The following KRT7 variants were observed in gnomAD, a reference collection of about 807,000 sequenced individuals.
KRT7 encodes keratin 7.
A neutral mutation model predicts 42.8 loss-of-function variants in KRT7; 50 were observed. That is an observed-to-expected ratio of 1.17 (90% CI 0.93 to 1.48). The LOEUF is 1.48. Ranked by LOEUF, KRT7 falls within the 40% of genes most tolerant of loss-of-function variation. KRT7 has a pLI of 0.00. For synonymous variants in KRT7, 268 were observed against 266.3 expected, an observed-to-expected ratio of 1.01 and a Z score of -0.06; for missense variants, 588 against 637.6, an observed-to-expected ratio of 0.92 and a Z score of 0.84.
At chr12:52,250,827 A>G (rs952012058), downstream of KRT7, among the ~76,000 whole-genome samples, 1 of 152,254 alleles carries the variant, frequency 6.6e-6, no homozygotes, top group Non-Finnish European at 1.5e-5. Flanking sequence ...AGACATAGCC[A>G]TGCTTCGCCT....
downstream of KRT7, chr12:52,251,937 A>G (rs1332327985): frequency 5.7e-6 from 3 of 526,612 alleles, no homozygotes; most frequent in East Asian, 4.9e-5. Context: ...CCACGAGCCT[A>G]AAGTTTTTAC....
At chr12:52,246,745 G>A (rs1942178948) in intron 7 of KRT7, among the ~76,000 whole-genome samples, 1 of 152,170 alleles carries the variant, frequency 6.6e-6, no homozygotes, top group Non-Finnish European at 1.5e-5. Flanking sequence ...GGCACAGGGA[G>A]CTCCAGCCAA....
chr12:52,248,920 C>A lies in KRT7; in HGVS notation c.*160C>A. ...GCCTCATTCTGAGGCCTGAGTGATC[C>A]ACGTGCCTGGTATCCTGGCTTCATG... On this transcript the variant is annotated 3_prime_UTR_variant, in exon 9 of 9. Coordinates refer to ENST00000331817, the MANE Select transcript of KRT7 (RefSeq NM_005556.4). The A allele has an allele frequency of 1.6e-6, 1 of 615,212 alleles. No individual in the cohort carries two copies. The highest frequency in any genetic ancestry group is 2.5e-6 in the Non-Finnish European group (1 of 402,252). 38.1% of individuals were successfully genotyped at this position (615,212 alleles called of 1,614,324 possible). A position where few individuals can be genotyped will look rare whatever the true frequency, so the allele number is the denominator to read the frequency against.
At position 52,241,375 on chromosome 12, in the gene KRT7, G is replaced by C. The variant is rs1942086206; in HGVS notation, c.694-97G>C. On this transcript the variant is annotated intron_variant, in intron 4 of 8. Coordinates refer to ENST00000331817, the MANE Select transcript of KRT7 (RefSeq NM_005556.4). ...CTGGTGACTCAGCCCACTCCCAGCT[G>C]TTCTCTCTTTTCTTTCCTTTGTGAG... 2.6e-6 allele frequency: 3 copies of C among 1,137,386 alleles called. No homozygotes were observed. In the South Asian group the frequency reaches 4.8e-5, roughly 18 times the overall value. The allele number at this position is 1,137,386 out of a possible 1,614,324, so 70.5% of individuals were successfully genotyped here. A position where few individuals can be genotyped will look rare whatever the true frequency, so the allele number is the denominator to read the frequency against.
downstream of KRT7, chr12:52,253,797 T>C (rs748542883): frequency 1.6e-6 from 1 of 639,748 alleles, no homozygotes; most frequent in Non-Finnish European, 2.8e-6. Context: ...AAGAGCTTCT[T>C]AGACCAGAGC....
intron 2 of KRT7, among the ~76,000 whole-genome samples, chr12:52,236,370 T>G (rs1407070660): frequency 1.5e-5 from 2 of 129,388 alleles, no homozygotes; most frequent in African/African-American, 2.9e-5. Context: ...ACCCCCATAC[T>G]CCCCCCACCC....
chr12:52,251,460 C>T (rs1489212820), downstream of KRT7, among the ~76,000 whole-genome samples: 4 of 152,198 alleles, frequency 2.6e-5, no homozygotes, highest in African/African-American at 7.2e-5. Context: ...CATTCAAAGC[C>T]GTCCTGGGCT....
At chr12:52,240,097 G>A (rs1216637248) in intron 4 of KRT7, among the ~76,000 whole-genome samples, 1 of 152,036 alleles carries the variant, frequency 6.6e-6, no homozygotes, top group African/African-American at 2.4e-5. Flanking sequence ...CTTGCTTCAG[G>A]CACTTCTAAT....
rs147928450 is a variant in KRT7 at position 52,239,831 on chromosome 12, G to A, written c.693+1056G>A. The stretch of plus-strand genomic sequence containing the variant: ...TTCTTATTCTCTCCCTCTCACCCTT[G>A]TCCTCCGGGGTTTCCAGCTCTTTTT... On this transcript the variant is annotated intron_variant, in intron 4 of 8. Transcript: ENST00000331817. 5.3e-4 allele frequency among the ~76,000 whole-genome samples: 81 copies of A among 152,276 alleles called. No homozygotes were observed. The East Asian group carries it at 0.013, about 24-fold the overall frequency.
At chr12:52,250,899 A>G (rs1283466110), downstream of KRT7, among the ~76,000 whole-genome samples, 1 of 152,244 alleles carries the variant, frequency 6.6e-6, no homozygotes, top group Non-Finnish European at 1.5e-5. Flanking sequence ...TGCGAACATC[A>G]TGGAGTGCAC....
At chr12:52,242,780 C>G (rs756104035) in intron 5 of KRT7, among the ~76,000 whole-genome samples, 57 of 152,072 alleles carry the variant, frequency 3.7e-4, no homozygotes, top group Admixed American at 2.6e-4. Flanking sequence ...GCCCTGGGGT[C>G]CATGGGGATG....
In KRT7 at chr12:52,235,173, C is replaced by T. The variant is rs1941993011; in HGVS notation, c.343C>T (p.Gln115Ter). ...FIDKVRFLEQ[Q>*]NKLLETKWTL... ...GTTCTAGGTGCGGTTTCTGGAGCAGCAGAACAAGCTGCTGGAGACCAAGTG... is the reference window on the plus strand; with the variant it reads ...GTTCTAGGTGCGGTTTCTGGAGCAGTAGAACAAGCTGCTGGAGACCAAGTG... The change falls in exon 2 of 9, where the codon CAG (glutamine) becomes TAG (stop). Residue 115 changes from glutamine to a stop codon, truncating the protein, a stop_gained. Coordinates refer to ENST00000331817, the MANE Select transcript of KRT7 (RefSeq NM_005556.4). LOFTEE classifies it high-confidence loss of function. 17 of 1,613,968 alleles carry T rather than the reference C, an allele frequency of 1.1e-5. No individual in the cohort carries two copies. The highest frequency in any genetic ancestry group is 1.4e-5 in the Non-Finnish European group (17 of 1,179,966).
intron 2 of KRT7, 72 bp downstream of exon 2, chr12:52,235,438 C>A: frequency 7.6e-7 from 1 of 1,314,406 alleles, no homozygotes; most frequent in Non-Finnish European, 1.0e-6. Flanking sequence ...TGACCCTGTG[C>A]AAGTCCCCCT....
At chr12:52,248,074 A>C (rs1336864279) in intron 7 of KRT7, 103 bp from the exon 8 acceptor site, 2 of 1,149,578 alleles carry the variant, frequency 1.7e-6, no homozygotes, top group Non-Finnish European at 2.6e-6. Flanking sequence ...GCAAGAAGGA[A>C]AAATCAATGA....
chr12:52,238,854 C>CTGTGTCA (rs1203803801), intron 4 of KRT7, 79 bp downstream of exon 4: 1 of 902,650 alleles, frequency 1.1e-6, no homozygotes, highest in Admixed American at 1.8e-5. Flanking sequence ...CCCCCCGCCT[C>CTGTGTCA]TGTGTCAGTC....
At chr12:52,237,410 G>A (rs1222558532) in intron 2 of KRT7, 99 bp from the exon 3 acceptor site, 2 of 834,646 alleles carry the variant, frequency 2.4e-6, no homozygotes, top group Non-Finnish European at 3.8e-6. Context: ...AAAGAGTAGG[G>A]GAAGGGAGGC....
intron 8 of KRT7, 128 bp from the exon 9 acceptor site, chr12:52,248,463 T>C: frequency 2.0e-6 from 2 of 1,007,450 alleles, no homozygotes; most frequent in Non-Finnish European, 1.5e-6. Context: ...CCTTCTGGGT[T>C]GGCCCATGGA....
chr12:52,250,897 T>C (rs1376867823), downstream of KRT7, among the ~76,000 whole-genome samples: 4 of 152,228 alleles, frequency 2.6e-5, no homozygotes, highest in Admixed American at 6.5e-5. Flanking sequence ...TGTGCGAACA[T>C]CATGGAGTGC....
At chr12:52,247,950 T>G in intron 7 of KRT7, 4 of 580,804 alleles carry the variant, frequency 6.9e-6, no homozygotes, top group East Asian at 2.9e-5. Context: ...ATGGAGGCCC[T>G]GAGACATTGC....
Sources: gnomAD v4.1 joint callset for allele counts (sites outside exome capture counted in the v4.1 genomes callset) on GRCh38, gnomAD v4.1.1 for gene constraint, MANE v1.5 for transcripts, NCBI Gene and HGNC (gene_info 2026-07-23, HGNC 2026-07-21) for gene names.